Variants in ZMYM1 observed in about 807,000 individuals in gnomAD.
ZMYM1 encodes zinc finger MYM-type containing 1, also known as zinc finger MYM-type protein 1.
ZMYM1 carries 39 observed loss-of-function variants against 60.0 expected under a neutral mutation model. The ratio of observed to expected loss-of-function variants is 0.65; its 90% CI spans 0.50 to 0.85. The LOEUF is 0.85. Ranked by LOEUF, ZMYM1 falls within the 40% of genes least tolerant of loss-of-function variation. The pLI is 0.00. For missense variants in ZMYM1, 1,171 were observed against 1,309.5 expected (o/e 0.89, Z 1.63); for synonymous variants, 413 against 454.0 (o/e 0.91, Z 1.15).
At chr1:35,085,995 A>C (rs1642633918) in intron 1 of ZMYM1, among the ~76,000 whole-genome samples, 1 of 152,188 alleles carries the variant, frequency 6.6e-6, no homozygotes, top group Non-Finnish European at 1.5e-5. Flanking sequence ...ACCAAATAGA[A>C]AAACACGTGT....
Position 35,114,068 on chromosome 1 carries a change from T to C in ZMYM1, c.2238T>C (p.Tyr746=), listed in dbSNP as rs1644186299. 4 of 1,611,908 alleles carry C rather than the reference T, an allele frequency of 2.5e-6. No individual in the cohort carries two copies. Among genetic ancestry groups the C allele is most frequent in the East Asian group, 2.2e-5 (1 of 44,838 alleles). Residue 746 remains tyrosine (Y), a synonymous_variant, in exon 10 of 10, where the codon TAT becomes TAC. Coordinates refer to ENST00000359858, the MANE Select transcript of ZMYM1 (RefSeq NM_024772.5). The part of the protein sequence containing the change: ...EEPRALYIHC[Y]AHFLDLSIIR... ...CAAGAGCTTTATACATACATTGTTA[T>C]GCACACTTTTTGGATTTATCAATAA...
At chr1:35,116,355 C>G (rs1222755273), downstream of ZMYM1, among the ~76,000 whole-genome samples, 1 of 152,208 alleles carries the variant, frequency 6.6e-6, no homozygotes, top group Non-Finnish European at 1.5e-5. Flanking sequence ...TTGATTTATA[C>G]ATCTCAGCTG....
Position 35,115,226 on chromosome 1 carries a change from G to A in ZMYM1, c.3396G>A (p.Val1132=), listed in dbSNP as rs376512120. The A allele has an allele frequency of 7.5e-6, 12 of 1,596,480 alleles. No homozygotes were observed. The African/African-American group carries it at 1.6e-4, about 22-fold the overall frequency. ...LMEPERLNEI[V]EKFISQMKEI ...AGCCTGAAAGACTCAATGAAATTGTGGAAAAGTTTATCAGTCAGATGAAAG... is the reference window on the plus strand; with the variant it reads ...AGCCTGAAAGACTCAATGAAATTGTAGAAAAGTTTATCAGTCAGATGAAAG... The change falls in exon 10 of 10, where the codon GTG becomes GTA. Residue 1132 remains valine (V), a synonymous_variant. Transcript: ENST00000359858.
rs764077288 is a variant in ZMYM1, at chr1:35,097,499, A to G, written c.352A>G (p.Ile118Val). ...SAQLFCSIPC[I>V]TEYISSASSP... ...TCAACTTTTCTGCTCCATACCATGC[A>G]TCACTGAATACATTTCATCTGCCAG... Residue 118 changes from isoleucine (I) to valine (V), a missense_variant, in exon 4 of 10, where the codon ATC (isoleucine) becomes GTC (valine). Transcript: ENST00000359858. 41 of 1,614,122 alleles carry G rather than the reference A, an allele frequency of 2.5e-5. No homozygotes were observed. Among genetic ancestry groups the G allele is most frequent in the Non-Finnish European group, 3.3e-5 (39 of 1,180,050 alleles).
At chr1:35,079,826 T>G (rs982091051) in intron 1 of ZMYM1, among the ~76,000 whole-genome samples, 6 of 152,140 alleles carry the variant, frequency 3.9e-5, no homozygotes, top group African/African-American at 1.4e-4. Flanking sequence ...AAAGTTTGAC[T>G]CCTGGCCGGG....
intron 6 of ZMYM1, among the ~76,000 whole-genome samples, chr1:35,109,076 A>G (rs952525030): frequency 5.9e-5 from 9 of 151,624 alleles, no homozygotes; most frequent in African/African-American, 1.7e-4. Context: ...CTGGAGTGCA[A>G]TGGCATGATC....
intron 1 of ZMYM1, among the ~76,000 whole-genome samples, chr1:35,060,403 A>AC (rs139526328): frequency 0.024 from 3,597 of 150,178 alleles, 125 homozygotes; most frequent in African/African-American, 0.08. Flanking sequence ...CTGGTGATCG[A>AC]CCCCCCTCGG....
In ZMYM1 at chr1:35,094,027, G is replaced by A; in HGVS notation, c.40G>A (p.Val14Met). The change falls in exon 2 of 10, where the codon GTG becomes ATG. Residue 14 changes from valine (V) to methionine (M), a missense_variant. Val to Met is a conservative substitution (Grantham distance 21). Transcript: ENST00000359858. The part of the protein sequence containing the change: ...PLLGGECDKA[V>M]ASQLGLLDEI... ...TTTAGGTGGTGAGTGTGACAAGGCA[G>A]TGGCATCACAGCTGGGGCTGCTAGA... is the stretch of plus-strand genomic sequence containing the variant. 1.2e-6 allele frequency: 2 copies of A among 1,611,142 alleles called. No individual in the cohort carries two copies. Among genetic ancestry groups the A allele is most frequent in the Non-Finnish European group, 1.7e-6 (2 of 1,178,326 alleles).
Position 35,110,419 on chromosome 1 carries a change from C to T in ZMYM1, c.933C>T (p.Tyr311=), listed in dbSNP as rs774727056. Residue 311 remains tyrosine, a synonymous_variant, in exon 7 of 10, where the codon TAC becomes TAT. Coordinates refer to ENST00000359858, the MANE Select transcript of ZMYM1 (RefSeq NM_024772.5). ...GCTCTATTAATTGTTTCTCTGCATA[C>T]AGTAAAGCTAAGATGGAATCTTCTT... ...LFCSINCFSA[Y]SKAKMESSSV... The T allele has an allele frequency of 1.3e-6, 2 of 1,550,646 alleles. No homozygotes were observed. Among genetic ancestry groups the T allele is most frequent in the Non-Finnish European group, 1.7e-6 (2 of 1,151,468 alleles).
Position 35,115,344 on chromosome 1 carries a change from C to A in ZMYM1, c.*85C>A, listed in dbSNP as rs973625718. 7.0e-7 allele frequency: 1 copy of A among 1,422,152 alleles called. No individual in the cohort carries two copies. The highest frequency in any genetic ancestry group is 9.3e-7 in the Non-Finnish European group (1 of 1,075,458). 88.1% of individuals were successfully genotyped at this position (1,422,152 alleles called of 1,614,324 possible). On this transcript the variant is annotated 3_prime_UTR_variant, in exon 10 of 10. Coordinates refer to ENST00000359858, the MANE Select transcript of ZMYM1 (RefSeq NM_024772.5). ...AAAATTGTTCAAAATTCAAAAGACACAGAACGATAAACAGTGAAGTCTCCT... is the reference window on the plus strand; with the variant it reads ...AAAATTGTTCAAAATTCAAAAGACAAAGAACGATAAACAGTGAAGTCTCCT...
rs544311330 is a variant in ZMYM1 at position 35,092,548 on chromosome 1, C to T, written c.-74-1366C>T. On this transcript the variant is annotated intron_variant, in intron 1 of 9. Transcript: ENST00000359858. ...GAACCACTGTGCCCGGCCAACAGGTCTTTTCTTTTCTTTTCTTTTCCTTTT... is the reference window on the plus strand; with the variant it reads ...GAACCACTGTGCCCGGCCAACAGGTTTTTTCTTTTCTTTTCTTTTCCTTTT... Among the ~76,000 whole-genome samples, 5 of 150,024 alleles carry T rather than the reference C, an allele frequency of 3.3e-5. No individual in the cohort carries two copies. The South Asian group carries it at 1.1e-3, about 32-fold the overall frequency.
upstream of ZMYM1, among the ~76,000 whole-genome samples, chr1:35,078,537 A>ATTTTTTTTTTT (rs751468260): frequency 2.8e-3 from 231 of 82,208 alleles, 19 homozygotes; most frequent in African/African-American, 7.6e-3. Context: ...GGTTATTTTA[A>ATTTTTTTTTTT]TTTTTTTTTT....
intron 3 of ZMYM1, 119 bp from the exon 4 acceptor site, chr1:35,097,198 C>T (rs563799487): frequency 1.7e-6 from 2 of 1,178,446 alleles, no homozygotes; most frequent in South Asian, 3.1e-5. Context: ...GCCTAGAGTG[C>T]AAAAGAGGGC....
chr1:35,096,111 G>T (rs554555621), intron 3 of ZMYM1, among the ~76,000 whole-genome samples: 1 of 151,916 alleles, frequency 6.6e-6, no homozygotes, highest in Non-Finnish European at 1.5e-5. Context: ...TCAGGAATTC[G>T]AGACCAGTTT....
Position 35,113,113 on chromosome 1 carries a change from T to C in ZMYM1, c.1283T>C (p.Met428Thr), listed in dbSNP as rs902911004. The C allele has an allele frequency of 2.5e-6, 4 of 1,613,958 alleles. No homozygotes were observed. In the South Asian group the frequency reaches 3.3e-5, roughly 13 times the overall value. ...AGTACAGAAGTACAAAAAGACAATA[T>C]GAAATCTATGAAAATAAGTGATGAA... ...GSSTEVQKDN[M>T]KSMKISDELC... Residue 428 changes from methionine (M) to threonine (T), a missense_variant, in exon 10 of 10, where the codon ATG becomes ACG. Coordinates refer to ENST00000359858, the MANE Select transcript of ZMYM1 (RefSeq NM_024772.5).
At chr1:35,080,677 A>G (rs1642340944) in intron 1 of ZMYM1, among the ~76,000 whole-genome samples, 1 of 151,880 alleles carries the variant, frequency 6.6e-6, no homozygotes, top group South Asian at 2.1e-4. Flanking sequence ...TGGTTGGTAG[A>G]CACTTTAAAA....
chr1:35,088,480 G>A (rs1344891439), intron 1 of ZMYM1, among the ~76,000 whole-genome samples: 18 of 145,494 alleles, frequency 1.2e-4, no homozygotes, highest in South Asian at 4.4e-4. Context: ...GTGTGTGTGT[G>A]TGTGTGTGTG....
intron 6 of ZMYM1, among the ~76,000 whole-genome samples, chr1:35,109,259 T>C (rs1172013695): frequency 6.6e-6 from 1 of 152,138 alleles, no homozygotes; most frequent in Non-Finnish European, 1.5e-5. Context: ...CTCAAACTCC[T>C]GGGTTCAAGT....
rs181897018 is a variant in ZMYM1 at position 35,070,421 on chromosome 1, T to C, written c.-300-8573T>C. Among the ~76,000 whole-genome samples the C allele has an allele frequency of 4.1e-3, 626 of 152,332 alleles. 1 individual carries two copies. Among genetic ancestry groups the C allele is most frequent in the Middle Eastern group, 6.8e-3 (2 of 294 alleles). On this transcript the variant is annotated intron_variant, in intron 1 of 10. Coordinates refer to the ZMYM1 transcript ENST00000417119. The stretch of plus-strand genomic sequence containing the variant: ...TATATAGAAACACTGCTGATTTTTC[T>C]ATGTTGATTTTGTATCCTGCAACTT...
Sources: gnomAD v4.1 joint callset for allele counts (sites outside exome capture counted in the v4.1 genomes callset) on GRCh38, gnomAD v4.1.1 for gene constraint, MANE v1.5 for transcripts, NCBI Gene and HGNC (gene_info 2026-07-23, HGNC 2026-07-21) for gene names.